RC3H1: variants seen among roughly 807,000 people sequenced by gnomAD.
RC3H1 encodes the protein ring finger and CCCH-type domains 1.
In RC3H1, 50 loss-of-function variants were observed where a neutral mutation model predicts 138.2. The observed-to-expected ratio is 0.36, with a 90% CI of 0.29 to 0.46. RC3H1 has a LOEUF of 0.46. RC3H1 is among the 20% of genes least tolerant of loss of function. The pLI, the probability that RC3H1 is intolerant of heterozygous loss-of-function variation, is 1.00. For synonymous variants in RC3H1, 462 were observed against 489.1 expected, an observed-to-expected ratio of 0.94 and a Z score of 0.73; for missense variants, 1,031 against 1,388.1, an observed-to-expected ratio of 0.74 and a Z score of 4.09.
At chr1:174,005,750 C>T (rs1268515075) in intron 1 of RC3H1, among the ~76,000 whole-genome samples, 2 of 152,152 alleles carry the variant, frequency 1.3e-5, no homozygotes, top group East Asian at 1.9e-4. Flanking sequence ...TAATTTAAAC[C>T]TATCTAAAAT....
chr1:173,953,607 T>C (rs530327317), intron 13 of RC3H1, among the ~76,000 whole-genome samples: 4 of 152,166 alleles, frequency 2.6e-5, no homozygotes, highest in Non-Finnish European at 5.9e-5. Flanking sequence ...TAGTGTATTA[T>C]ATGTAGCTAT....
chr1:173,989,418 G>C (rs928458589), intron 2 of RC3H1, among the ~76,000 whole-genome samples: 3 of 152,144 alleles, frequency 2.0e-5, no homozygotes, highest in Non-Finnish European at 4.4e-5. Context: ...GCCTAGGCTG[G>C]TCTCAAATGA....
At chr1:174,001,356 A>G (rs191096579) in intron 1 of RC3H1, among the ~76,000 whole-genome samples, 4 of 152,334 alleles carry the variant, frequency 2.6e-5, no homozygotes, top group African/African-American at 9.6e-5. Context: ...TGCATTATAT[A>G]CAAATGTGCT....
At chr1:173,982,109 G>A (rs953593592) in intron 5 of RC3H1, among the ~76,000 whole-genome samples, 1 of 152,208 alleles carries the variant, frequency 6.6e-6, no homozygotes, top group African/African-American at 2.4e-5. Context: ...GCTGGGCGCG[G>A]TGGCTCACGC....
intron 17 of RC3H1, among the ~76,000 whole-genome samples, chr1:173,946,252 G>A (rs983143917): frequency 6.6e-6 from 1 of 152,092 alleles, no homozygotes; most frequent in Non-Finnish European, 1.5e-5. Context: ...CTCCTGTTGG[G>A]AAATTTTACG....
rs749524344 is a variant in RC3H1 at position 173,972,634 on chromosome 1, A to G, written c.1103-7T>C. The G allele has an allele frequency of 3.8e-6, 6 of 1,564,518 alleles. No individual in the cohort carries two copies. The South Asian group carries it at 6.7e-5, about 17-fold the overall frequency. Reference sequence around the variant, plus strand: ...CAAGTAGGAGGAGGAGCATCTATACAACCAATGATAATGTTTTAAACTCTA... The same window carrying G: ...CAAGTAGGAGGAGGAGCATCTATACGACCAATGATAATGTTTTAAACTCTA... On this transcript the variant is annotated splice_region_variant and splice_polypyrimidine_tract_variant and intron_variant, in intron 7 of 19. Transcript: ENST00000367696.
Position 173,979,131 on chromosome 1 carries a change from A to G in RC3H1, c.970-511T>C, listed in dbSNP as rs1221323622. 2.0e-5 allele frequency among the ~76,000 whole-genome samples: 3 copies of G among 152,218 alleles called. No individual in the cohort carries two copies. In the East Asian group the frequency reaches 5.8e-4, roughly 29 times the overall value. On this transcript the variant is annotated intron_variant, in intron 6 of 19. Coordinates refer to ENST00000367696, the MANE Select transcript of RC3H1 (RefSeq NM_172071.4). ...GCCGTGTGTGACTAGTGATCACCAT[A>G]TTGGACAGTGCATACACAGAACATT...
chr1:173,950,006 A>C (rs1659317208), intron 14 of RC3H1, among the ~76,000 whole-genome samples: 1 of 152,034 alleles, frequency 6.6e-6, no homozygotes, highest in Non-Finnish European at 1.5e-5. Flanking sequence ...ATCTCTACTA[A>C]AAATACAAAA....
rs71718815 is a variant in RC3H1, at chr1:173,945,125, C to CT, written c.2961+1350dup. Among the ~76,000 whole-genome samples, 442 of 138,006 alleles carry CT rather than the reference C, an allele frequency of 3.2e-3. 1 individual carries two copies. Among genetic ancestry groups the CT allele is most frequent in the Non-Finnish European group, 4.3e-3 (277 of 64,336 alleles). The allele number at this position is 138,006 out of a possible 152,430, so 90.5% of individuals were successfully genotyped here. On this transcript the variant is annotated intron_variant, in intron 17 of 19. Transcript: ENST00000367696. ...GGCACTTAAAAGATTTTAAAAATTC[C>CT]TTTTTTTTTTTTTTTTGAGACAGAG...
intron 19 of RC3H1, among the ~76,000 whole-genome samples, chr1:173,939,359 GA>G (rs1243912072): frequency 4.6e-5 from 7 of 151,580 alleles, no homozygotes; most frequent in Non-Finnish European, 1.0e-4. Context: ...CCAACATGGT[GA>G]AACCCTGTCT....
intron 18 of RC3H1, among the ~76,000 whole-genome samples, chr1:173,943,156 A>C (rs1449474311): frequency 6.6e-6 from 1 of 152,210 alleles, no homozygotes; most frequent in Non-Finnish European, 1.5e-5. Context: ...CAGTATGCTA[A>C]ACAGAAATTT....
At chr1:173,945,565 A>G (rs1030793486) in intron 17 of RC3H1, among the ~76,000 whole-genome samples, 6 of 152,260 alleles carry the variant, frequency 3.9e-5, no homozygotes, top group African/African-American at 1.4e-4. Context: ...AAAGGAGGAC[A>G]ATACCACCTG....
intron 7 of RC3H1, among the ~76,000 whole-genome samples, chr1:173,974,539 A>G (rs1462289616): frequency 6.6e-6 from 1 of 152,208 alleles, no homozygotes; most frequent in Non-Finnish European, 1.5e-5. Flanking sequence ...CTTGACATGC[A>G]GAATAATATA....
intron 1 of RC3H1, among the ~76,000 whole-genome samples, chr1:174,007,943 A>G (rs1393526124): frequency 6.6e-6 from 1 of 152,220 alleles, no homozygotes; most frequent in Non-Finnish European, 1.5e-5. Flanking sequence ...AGGAACAAAA[A>G]TGAGTGTCAA....
intron 9 of RC3H1, among the ~76,000 whole-genome samples, chr1:173,965,589 C>CA (rs35376093): frequency 0.033 from 5,026 of 151,178 alleles, 102 homozygotes; most frequent in Middle Eastern, 0.095. Flanking sequence ...GATTCTGTCT[C>CA]AAAAAAAAGA....
intron 13 of RC3H1, among the ~76,000 whole-genome samples, chr1:173,955,610 C>A (rs1013270610): frequency 1.3e-5 from 2 of 151,862 alleles, no homozygotes; most frequent in Non-Finnish European, 2.9e-5. Context: ...TGAGCCACCG[C>A]GCCCGGCCAA....
Position 173,932,491 on chromosome 1 carries a change from T to C in RC3H1, c.*6230A>G, listed in dbSNP as rs1658420716. On this transcript the variant is annotated 3_prime_UTR_variant, in exon 20 of 20. Transcript: ENST00000367696. ...GTTCTTGTACCAAAAAGTCATAGAT[T>C]AATCATAAAGAAAGATAATGAGACC... The C allele has an allele frequency of 6.6e-6, 1 of 152,060 alleles. No individual in the cohort carries two copies. The highest frequency in any genetic ancestry group is 2.1e-4 in the South Asian group (1 of 4,832). The allele number at this position is 152,060 out of a possible 1,614,324, so 9.4% of individuals were successfully genotyped here.
chr1:173,947,085 T>C (rs1213075224), intron 15 of RC3H1, among the ~76,000 whole-genome samples: 1 of 152,184 alleles, frequency 6.6e-6, no homozygotes, highest in Non-Finnish European at 1.5e-5. Context: ...AATTACTGTA[T>C]AATGAGAATG....
At chr1:173,954,862 A>C (rs1244953616) in intron 13 of RC3H1, among the ~76,000 whole-genome samples, 1 of 152,190 alleles carries the variant, frequency 6.6e-6, no homozygotes, top group Non-Finnish European at 1.5e-5. Flanking sequence ...AATAAAATGG[A>C]AAGTATCTAG....
Sources: allele counts gnomAD v4.1 joint callset (sites outside exome capture counted in the v4.1 genomes callset), GRCh38; gene constraint gnomAD v4.1.1; transcripts MANE v1.5; gene names NCBI Gene and HGNC (gene_info 2026-07-23, HGNC 2026-07-21).